Variants in ASAP2 observed in about 807,000 individuals in gnomAD.
The protein encoded by ASAP2 is ArfGAP with SH3 domain, ankyrin repeat and PH domain 2, also known as arf-GAP with SH3 domain, ANK repeat and PH domain-containing protein 2.
In ASAP2, 45 loss-of-function variants were observed where a neutral mutation model predicts 131.4. The observed-to-expected ratio is 0.34, with a 90% confidence interval of 0.27 to 0.44. The LOEUF is 0.44. Among genes scored for constraint, ASAP2 ranks in the 20% least tolerant of loss-of-function variants. The pLI is 1.00. For synonymous variants in ASAP2, 510 were observed against 503.0 expected, an observed-to-expected ratio of 1.01 and a Z score of -0.19; for missense variants, 1,011 against 1,297.0, an observed-to-expected ratio of 0.78 and a Z score of 3.39.
chr2:9,382,955 A>C (rs909324637), intron 20 of ASAP2, among the ~76,000 whole-genome samples: 2 of 152,174 alleles, frequency 1.3e-5, no homozygotes, highest in East Asian at 3.9e-4. Flanking sequence ...ATTATTACTC[A>C]ACTGTGTCCC....
chr2:9,220,041 A>C (rs1262962662), intron 1 of ASAP2, among the ~76,000 whole-genome samples: 1 of 152,030 alleles, frequency 6.6e-6, no homozygotes, highest in Non-Finnish European at 1.5e-5. Context: ...TTTGTACTTT[A>C]TTTCTTTTTA....
intron 16 of ASAP2, among the ~76,000 whole-genome samples, chr2:9,374,289 G>A (rs1449571245): frequency 6.6e-6 from 1 of 152,230 alleles, no homozygotes; most frequent in East Asian, 1.9e-4. Flanking sequence ...ATGCCCCAAG[G>A]AGCTCATGGG....
chr2:9,293,803 A>G (rs1233976390), intron 2 of ASAP2, among the ~76,000 whole-genome samples: 1 of 151,866 alleles, frequency 6.6e-6, no homozygotes, highest in Non-Finnish European at 1.5e-5. Flanking sequence ...CAACTAGGCC[A>G]GTGCACAAAG....
At chr2:9,245,078 G>A (rs1448602337) in intron 1 of ASAP2, among the ~76,000 whole-genome samples, 2 of 152,138 alleles carry the variant, frequency 1.3e-5, no homozygotes, top group African/African-American at 2.4e-5. Context: ...TACTGGTAGT[G>A]TGGCCTTGGG....
At chr2:9,280,137 GAT>G (rs890835943) in intron 2 of ASAP2, among the ~76,000 whole-genome samples, 68 of 152,360 alleles carry the variant, frequency 4.5e-4, no homozygotes, top group African/African-American at 1.6e-3. Flanking sequence ...CTCAGGTGCA[GAT>G]AGAGTTTGGG....
chr2:9,385,640 A>G (rs1675203620), intron 21 of ASAP2, among the ~76,000 whole-genome samples: 1 of 152,158 alleles, frequency 6.6e-6, no homozygotes, highest in Non-Finnish European at 1.5e-5. Context: ...GGTTGATTCC[A>G]GTGGATTTAG....
intron 3 of ASAP2, among the ~76,000 whole-genome samples, chr2:9,317,890 C>A (rs1027228684): frequency 6.6e-6 from 1 of 152,168 alleles, no homozygotes; most frequent in Non-Finnish European, 1.5e-5. Context: ...CTCACATACA[C>A]CCTCATGTGC....
At chr2:9,250,084 A>G (rs1450140397) in intron 1 of ASAP2, among the ~76,000 whole-genome samples, 1 of 152,230 alleles carries the variant, frequency 6.6e-6, no homozygotes, top group African/African-American at 2.4e-5. Flanking sequence ...TAACATGAGG[A>G]AAATAATACC....
At chr2:9,391,750 T>C (rs1362316162) in intron 23 of ASAP2, among the ~76,000 whole-genome samples, 1 of 150,552 alleles carries the variant, frequency 6.6e-6, no homozygotes, top group Non-Finnish European at 1.5e-5. Context: ...ATTTTTTTTT[T>C]TTTTTTGTAT....
chr2:9,378,048 A>T (rs1674541977), intron 18 of ASAP2, among the ~76,000 whole-genome samples: 1 of 152,144 alleles, frequency 6.6e-6, no homozygotes, highest in African/African-American at 2.4e-5. Context: ...GAGTGGAAGG[A>T]GGACAAAAGT....
chr2:9,393,382 A>G, intron 23 of ASAP2, 100 bp from the exon 24 acceptor site: 1 of 1,096,558 alleles, frequency 9.1e-7, no homozygotes, highest in Non-Finnish European at 1.3e-6. Flanking sequence ...GGAAATAGCA[A>G]TAAAAAACTG....
intron 3 of ASAP2, among the ~76,000 whole-genome samples, chr2:9,303,000 C>T (rs1572395378): frequency 6.6e-6 from 1 of 152,146 alleles, no homozygotes; most frequent in Admixed American, 6.5e-5. Context: ...AGCTGATTGT[C>T]CATATTAGTA....
intron 2 of ASAP2, among the ~76,000 whole-genome samples, chr2:9,291,944 C>T (rs138531553): frequency 3.9e-5 from 6 of 152,072 alleles, no homozygotes; most frequent in East Asian, 1.9e-4. Context: ...CTGAAGATAG[C>T]GACAATGTCA....
intron 27 of ASAP2, among the ~76,000 whole-genome samples, chr2:9,401,984 A>C (rs1398967352): frequency 3.3e-5 from 5 of 152,190 alleles, no homozygotes; most frequent in African/African-American, 1.2e-4. Context: ...ACTAAGCGGC[A>C]GCTGCAGACA....
intron 19 of ASAP2, among the ~76,000 whole-genome samples, chr2:9,380,207 GT>G (rs906105981): frequency 9.9e-5 from 15 of 150,912 alleles, no homozygotes; most frequent in African/African-American, 7.4e-5. Context: ...TTTGTTTTTT[GT>G]TTTTTTTGAG....
At chr2:9,290,822 C>G (rs1253777124) in intron 2 of ASAP2, among the ~76,000 whole-genome samples, 1 of 152,158 alleles carries the variant, frequency 6.6e-6, no homozygotes, top group African/African-American at 2.4e-5. Context: ...CTCTGACAGT[C>G]TGTTTCCTTG....
At chr2:9,236,845 G>A (rs370476940) in intron 1 of ASAP2, among the ~76,000 whole-genome samples, 121 of 152,198 alleles carry the variant, frequency 8.0e-4, no homozygotes, top group African/African-American at 2.9e-3. Context: ...TTGGAGCAAA[G>A]GTGCTGTGTG....
chr2:9,241,069 T>G (rs1444687307), intron 1 of ASAP2, among the ~76,000 whole-genome samples: 1 of 152,254 alleles, frequency 6.6e-6, no homozygotes, highest in African/African-American at 2.4e-5. Flanking sequence ...TTCTGGACTT[T>G]TCTGTGGAAT....
chr2:9,270,785 A>ATTTTTTTTTTTTCTTTTTTTTTTTTTTT (rs1666302601), intron 1 of ASAP2, among the ~76,000 whole-genome samples: 2 of 52,924 alleles, frequency 3.8e-5, no homozygotes, highest in Non-Finnish European at 6.9e-5. Flanking sequence ...AATTGTTTTC[A>ATTTTTTTTTTTTCTTTTTTTTTTTTTTT]TTTTTTTTTT....
Sources: gnomAD v4.1 joint callset for allele counts (sites outside exome capture counted in the v4.1 genomes callset) on GRCh38, gnomAD v4.1.1 for gene constraint, MANE v1.5 for transcripts, NCBI Gene and HGNC (gene_info 2026-07-23, HGNC 2026-07-21) for gene names.